The following CIMAP3 variants were observed in gnomAD, a reference collection of about 807,000 sequenced individuals.
The protein encoded by CIMAP3 is ciliary microtubule-associated protein 3.
At chr1:111,339,294 C>T in the CIMAP3 span, among the ~76,000 whole-genome samples, 2,168 of 150,624 alleles carry the variant, frequency 0.014, 43 homozygotes, top group African/African-American at 0.049. Context: ...AAAACTGGCA[C>T]AAGACAGGGA....
chr1:111,351,324 T>C, the CIMAP3 span: 5 of 1,575,550 alleles, frequency 3.2e-6, no homozygotes, highest in Admixed American at 2.0e-5. Context: ...TGTATTATAA[T>C]TGAGCGGCTG....
chr1:111,335,766 G>A, the CIMAP3 span, among the ~76,000 whole-genome samples: 3 of 152,236 alleles, frequency 2.0e-5, no homozygotes, highest in African/African-American at 4.8e-5. Flanking sequence ...CCACCTCTGC[G>A]GGCAAGGCAC....
chr1:111,335,951 C>A, the CIMAP3 span, among the ~76,000 whole-genome samples: 2 of 152,234 alleles, frequency 1.3e-5, no homozygotes, highest in Admixed American at 1.3e-4. Context: ...GAGGCACCCC[C>A]CAGTAGGGGC....
the CIMAP3 span, among the ~76,000 whole-genome samples, chr1:111,344,886 C>T: frequency 0.013 from 2,025 of 152,194 alleles, 54 homozygotes; most frequent in African/African-American, 0.045. Flanking sequence ...AATGGAGCAG[C>T]CCTATACAGG....
chr1:111,328,545 A>G, the CIMAP3 span, among the ~76,000 whole-genome samples: 20 of 152,302 alleles, frequency 1.3e-4, no homozygotes, highest in East Asian at 3.3e-3. Flanking sequence ...TATTGGGTGC[A>G]TATATATTTA....
the CIMAP3 span, among the ~76,000 whole-genome samples, chr1:111,332,251 A>T: frequency 3.3e-5 from 5 of 152,000 alleles, no homozygotes; most frequent in Non-Finnish European, 7.4e-5. Flanking sequence ...TGGTCTGAGG[A>T]TGTGTCTTCT....
the CIMAP3 span, among the ~76,000 whole-genome samples, chr1:111,334,239 G>T: frequency 6.6e-6 from 1 of 152,244 alleles, no homozygotes; most frequent in South Asian, 2.1e-4. Context: ...CGATATCAAA[G>T]ATATACCAAG....
chr1:111,351,463 T>C, the CIMAP3 span: 2 of 648,602 alleles, frequency 3.1e-6, no homozygotes, highest in South Asian at 2.3e-5. Context: ...CAGGGGCTTA[T>C]AGCTGCTGTA....
chr1:111,331,119 C>A, the CIMAP3 span, among the ~76,000 whole-genome samples: 1 of 152,156 alleles, frequency 6.6e-6, no homozygotes, highest in African/African-American at 2.4e-5. Context: ...TGATACTTTT[C>A]TCTTGCTGCT....
the CIMAP3 span, among the ~76,000 whole-genome samples, chr1:111,335,777 A>T: frequency 5.9e-5 from 9 of 152,392 alleles, no homozygotes; most frequent in East Asian, 1.7e-3. Flanking sequence ...GGCAAGGCAC[A>T]GACCAACAAA....
chr1:111,335,905 G>A, the CIMAP3 span, among the ~76,000 whole-genome samples: 4 of 152,188 alleles, frequency 2.6e-5, no homozygotes, highest in Non-Finnish European at 4.4e-5. Flanking sequence ...TCCTCAAGTG[G>A]GTCCCTGACC....
At chr1:111,329,314 A>G in the CIMAP3 span, among the ~76,000 whole-genome samples, 2 of 151,606 alleles carry the variant, frequency 1.3e-5, no homozygotes, top group East Asian at 1.9e-4. Context: ...AAATCTGATG[A>G]TTGTGTCTTG....
At chr1:111,332,800 G>A in the CIMAP3 span, among the ~76,000 whole-genome samples, 1 of 152,182 alleles carries the variant, frequency 6.6e-6, no homozygotes, top group African/African-American at 2.4e-5. Flanking sequence ...CCACAGGATA[G>A]TTTCTGAGGC....
chr1:111,334,930 C>A, the CIMAP3 span, among the ~76,000 whole-genome samples: 1 of 151,878 alleles, frequency 6.6e-6, no homozygotes, highest in Non-Finnish European at 1.5e-5. Context: ...GAGTTTGAGA[C>A]CAGCCTGGCC....
the CIMAP3 span, among the ~76,000 whole-genome samples, chr1:111,330,863 G>T: frequency 6.6e-6 from 1 of 152,234 alleles, no homozygotes; most frequent in South Asian, 2.1e-4. Context: ...CAAGCCAGGG[G>T]TTCCTTGTCT....
chr1:111,351,633 A>G, the CIMAP3 span: 1 of 227,806 alleles, frequency 4.4e-6, no homozygotes, highest in Non-Finnish European at 8.5e-6. Context: ...AATTCCCAGG[A>G]GCCAATTTTA....
chr1:111,342,942 T>C, the CIMAP3 span, among the ~76,000 whole-genome samples: 1 of 152,146 alleles, frequency 6.6e-6, no homozygotes, highest in Non-Finnish European at 1.5e-5. Flanking sequence ...TGGGATATTG[T>C]TGGTGATAAT....
the CIMAP3 span, among the ~76,000 whole-genome samples, chr1:111,342,915 T>A: frequency 2.0e-4 from 30 of 152,294 alleles, no homozygotes; most frequent in Middle Eastern, 6.8e-3. Context: ...CTGGCAACTG[T>A]TTTCATATTT....
chr1:111,352,599 A>G, the CIMAP3 span: 1 of 152,510 alleles, frequency 6.6e-6, no homozygotes, highest in African/African-American at 2.4e-5. Flanking sequence ...TACCTAATAT[A>G]TACACTTCTT....
Sources: allele counts gnomAD v4.1 joint callset (sites outside exome capture counted in the v4.1 genomes callset), GRCh38; gene constraint gnomAD v4.1.1; transcripts MANE v1.5; gene names NCBI Gene and HGNC (gene_info 2026-07-23, HGNC 2026-07-21).